SYTL2: variants seen among roughly 807,000 people sequenced by gnomAD.
The protein encoded by SYTL2 is synaptotagmin like 2.
SYTL2 carries 165 observed loss-of-function variants against 198.7 expected under a neutral mutation model. That is an observed-to-expected ratio of 0.83 (90% CI 0.73 to 0.94). SYTL2 has a LOEUF of 0.94. Among genes scored for constraint, SYTL2 ranks in the 40% least tolerant of loss-of-function variants. The pLI is 0.00. For missense variants in SYTL2, 2,835 were observed against 2,582.8 expected (o/e 1.10, Z -2.12); for synonymous variants, 966 against 917.7 (o/e 1.05, Z -0.95).
At chr11:85,806,815 G>T (rs1183359671) in intron 1 of SYTL2, among the ~76,000 whole-genome samples, 1 of 152,202 alleles carries the variant, frequency 6.6e-6, no homozygotes, top group African/African-American at 2.4e-5. Flanking sequence ...AGACAAGAAG[G>T]ACCCTCATCT....
At chr11:85,701,325 T>C (rs1200676287) in intron 16 of SYTL2, among the ~76,000 whole-genome samples, 1 of 152,228 alleles carries the variant, frequency 6.6e-6, no homozygotes, top group Non-Finnish European at 1.5e-5. Flanking sequence ...GGTAATTTTA[T>C]ATAACATTTT....
At chr11:85,832,899 G>T in the SYTL2 span, among the ~76,000 whole-genome samples, 1 of 150,676 alleles carries the variant, frequency 6.6e-6, no homozygotes. Context: ...GAGAGGCTGA[G>T]CTGGGAGGAT....
the SYTL2 span, among the ~76,000 whole-genome samples, chr11:85,848,267 A>T: frequency 4.0e-5 from 6 of 151,834 alleles, no homozygotes; most frequent in African/African-American, 1.5e-4. Flanking sequence ...AAAAAGAAAA[A>T]AGAAAAAAAA....
chr11:85,833,036 A>G, the SYTL2 span, among the ~76,000 whole-genome samples: 1 of 20,098 alleles, frequency 5.0e-5, no homozygotes, highest in Non-Finnish European at 9.4e-5. Context: ...AGAAAGAAAG[A>G]AAGAAAGAAA....
chr11:85,724,414 T>A lies in SYTL2; in HGVS notation c.4944A>T (p.Leu1648Phe). The A allele has an allele frequency of 3.1e-6, 5 of 1,603,262 alleles. No individual in the cohort carries two copies. Among genetic ancestry groups the A allele is most frequent in the Non-Finnish European group, 4.3e-6 (5 of 1,175,670 alleles). ...MLGGDALVTD[L>F]LVDFCGSRSG... ...TTCTGGAACCACAAAAATCTACCAA[T>A]AAATCAGTCACAAGTGCGTCTCCTC... The change falls in exon 8 of 20, where the codon TTA becomes TTT. Residue 1648 changes from leucine to phenylalanine, a missense_variant. Coordinates refer to ENST00000359152, the MANE Select transcript of SYTL2 (RefSeq NM_206927.4).
the SYTL2 span, among the ~76,000 whole-genome samples, chr11:85,836,586 C>T: frequency 1.3e-5 from 2 of 152,072 alleles, no homozygotes; most frequent in Non-Finnish European, 2.9e-5. Flanking sequence ...GACAAACAGG[C>T]CTCTAACATC....
chr11:85,805,548 A>G (rs565730240), intron 1 of SYTL2, among the ~76,000 whole-genome samples: 18 of 152,302 alleles, frequency 1.2e-4, no homozygotes, highest in African/African-American at 4.3e-4. Flanking sequence ...TAATGCCCTC[A>G]GCCTCAAAGC....
chr11:85,842,010 A>G, the SYTL2 span, among the ~76,000 whole-genome samples: 1 of 152,326 alleles, frequency 6.6e-6, no homozygotes, highest in East Asian at 1.9e-4. Context: ...TTCGCTAAAT[A>G]TCTCTGACCA....
chr11:85,734,850 A>G (rs1162775656), intron 6 of SYTL2, 108 bp from the exon 7 acceptor site: 4 of 862,392 alleles, frequency 4.6e-6, no homozygotes, highest in Non-Finnish European at 7.0e-6. Context: ...AAAATATTAA[A>G]GACAGTAAAG....
chr11:85,842,837 T>C, the SYTL2 span, among the ~76,000 whole-genome samples: 1 of 152,190 alleles, frequency 6.6e-6, no homozygotes, highest in Non-Finnish European at 1.5e-5. Context: ...AGCCATCTCA[T>C]CAGTCAACTC....
intron 3 of SYTL2, among the ~76,000 whole-genome samples, chr11:85,746,730 C>T (rs2091181340): frequency 6.6e-6 from 1 of 152,140 alleles, no homozygotes; most frequent in Admixed American, 6.5e-5. Flanking sequence ...CTAACCAGTA[C>T]CCTCAAGATT....
At position 85,748,285 on chromosome 11, in the gene SYTL2, C is replaced by A; in HGVS notation, c.240G>T (p.Arg80Ser). 6.2e-7 allele frequency: 1 copy of A among 1,613,280 alleles called. No homozygotes were observed. Among genetic ancestry groups the A allele is most frequent in the Non-Finnish European group, 8.5e-7 (1 of 1,179,440 alleles). Residue 80 changes from arginine to serine, a missense_variant, in exon 3 of 20, where the codon AGG becomes AGT. By Grantham distance (110) the Arg-to-Ser change is moderately radical. Coordinates refer to ENST00000359152, the MANE Select transcript of SYTL2 (RefSeq NM_206927.4). The stretch of plus-strand genomic sequence containing the variant: ...AAGTCAACTCACCTGCTATCTGGGG[C>A]CTCTTCTTTCTCATAGATGCTCTGA... ...DIIRASMRKK[R>S]PQIAAEQSKD...
the SYTL2 span, among the ~76,000 whole-genome samples, chr11:85,842,286 G>A: frequency 6.6e-6 from 1 of 152,222 alleles, no homozygotes; most frequent in Non-Finnish European, 1.5e-5. Context: ...AGTCCTGAGT[G>A]AGGACTTCTC....
chr11:85,714,563 G>C (rs893879256), intron 11 of SYTL2, 56 bp from the exon 12 acceptor site: 3 of 1,581,398 alleles, frequency 1.9e-6, no homozygotes, highest in African/African-American at 2.7e-5. Flanking sequence ...GAAAACATTA[G>C]ACATTAAGTT....
chr11:85,750,154 C>G (rs1018302531), intron 2 of SYTL2, among the ~76,000 whole-genome samples: 12 of 152,224 alleles, frequency 7.9e-5, no homozygotes, highest in African/African-American at 2.2e-4. Context: ...AAATTACATC[C>G]AAATCTCAGT....
At chr11:85,805,605 C>A (rs996056629) in intron 1 of SYTL2, among the ~76,000 whole-genome samples, 3 of 152,194 alleles carry the variant, frequency 2.0e-5, no homozygotes, top group Non-Finnish European at 4.4e-5. Context: ...AGAGTCCAGG[C>A]TCCTGTGGCC....
intron 1 of SYTL2, among the ~76,000 whole-genome samples, chr11:85,769,932 T>TC (rs2092322909): frequency 2.6e-5 from 4 of 151,988 alleles, no homozygotes; most frequent in Admixed American, 2.0e-4. Flanking sequence ...TTGGCACCCT[T>TC]CCCCTAACAA....
intron 14 of SYTL2, among the ~76,000 whole-genome samples, chr11:85,708,389 G>C (rs764647665): frequency 6.6e-6 from 1 of 151,978 alleles, no homozygotes; most frequent in Non-Finnish European, 1.5e-5. Context: ...AAAGAAAAAA[G>C]GATTGCACTT....
At position 85,724,211 on chromosome 11, in the gene SYTL2, C is replaced by T; in HGVS notation, c.5147G>A (p.Arg1716Lys). Residue 1716 changes from arginine (R) to lysine (K), a missense_variant, in exon 8 of 20, where the codon AGG becomes AAG. Physicochemically the swap from Arg to Lys is conservative, Grantham distance 26 (BLOSUM62 2). Transcript: ENST00000359152. ...ASEAISVSRN[R>K]QPIPLLMNKE... is the part of the protein sequence containing the mutation. Reference sequence around the variant, plus strand: ...GTTCATCAGGAGAGGAATGGGTTGCCTATTTCTGGACACACTAATTGCTTC... The same window carrying T: ...GTTCATCAGGAGAGGAATGGGTTGCTTATTTCTGGACACACTAATTGCTTC... 2 of 1,590,116 alleles carry T rather than the reference C, an allele frequency of 1.3e-6. No individual in the cohort carries two copies. Among genetic ancestry groups the T allele is most frequent in the Non-Finnish European group, 1.7e-6 (2 of 1,172,788 alleles).
Sources: gnomAD v4.1 joint callset for allele counts (sites outside exome capture counted in the v4.1 genomes callset) on GRCh38, gnomAD v4.1.1 for gene constraint, MANE v1.5 for transcripts, NCBI Gene and HGNC (gene_info 2026-07-23, HGNC 2026-07-21) for gene names.